SYNPR: variants seen among roughly 807,000 people sequenced by gnomAD.
SYNPR encodes the protein synaptoporin.
In SYNPR, 23 loss-of-function variants were observed where a neutral mutation model predicts 32.9. The observed-to-expected ratio is 0.70, with a 90% CI of 0.50 to 0.99. The LOEUF (loss-of-function observed/expected upper bound fraction) is 0.99, where lower values mean the gene tolerates loss of function less well. SYNPR is among the 50% of genes least tolerant of loss of function. SYNPR has a pLI of 0.00. For synonymous variants in SYNPR, 146 were observed against 135.9 expected, an observed-to-expected ratio of 1.07 and a Z score of -0.52; for missense variants, 318 against 349.3, an observed-to-expected ratio of 0.91 and a Z score of 0.71.
At chr3:63,368,810 A>G (rs1021041288) in intron 2 of SYNPR, among the ~76,000 whole-genome samples, 2 of 152,218 alleles carry the variant, frequency 1.3e-5, no homozygotes, top group East Asian at 3.8e-4. Context: ...TTATTTATAC[A>G]GTGTTGCTTC....
intron 4 of SYNPR, among the ~76,000 whole-genome samples, chr3:63,567,771 G>A (rs1278119332): frequency 6.6e-6 from 1 of 152,210 alleles, no homozygotes; most frequent in Non-Finnish European, 1.5e-5. Flanking sequence ...AATCCCTTAT[G>A]AGGGACAAGG....
At chr3:63,348,380 G>T (rs929847176) in intron 2 of SYNPR, among the ~76,000 whole-genome samples, 3 of 151,722 alleles carry the variant, frequency 2.0e-5, no homozygotes, top group Non-Finnish European at 4.4e-5. Flanking sequence ...GGGGTTATTT[G>T]TTGTTGTTTT....
intron 2 of SYNPR, chr3:63,252,601 T>C (rs2086341914): frequency 6.6e-6 from 1 of 152,184 alleles, no homozygotes; most frequent in South Asian, 2.1e-4. Flanking sequence ...AGAAAACATT[T>C]CTAAAAATGT....
intron 2 of SYNPR, among the ~76,000 whole-genome samples, chr3:63,472,007 C>A (rs115322538): frequency 6.6e-6 from 1 of 152,186 alleles, no homozygotes; most frequent in East Asian, 1.9e-4. Context: ...TCCCTCCCCA[C>A]GGCAGCCTGC....
chr3:63,244,600 C>T (rs750554154), intron 1 of SYNPR, among the ~76,000 whole-genome samples: 15 of 152,010 alleles, frequency 9.9e-5, no homozygotes, highest in Non-Finnish European at 1.5e-5. Context: ...TTGAAAATGG[C>T]GCATGCATTT....
chr3:63,225,522 G>T (rs1175785079), upstream of SYNPR, among the ~76,000 whole-genome samples: 1 of 152,152 alleles, frequency 6.6e-6, no homozygotes, highest in African/African-American at 2.4e-5. Context: ...AGACTGGCAA[G>T]CAGGAAGCTT....
At chr3:63,344,648 C>G (rs1041720867) in intron 2 of SYNPR, among the ~76,000 whole-genome samples, 3 of 149,310 alleles carry the variant, frequency 2.0e-5, no homozygotes. Context: ...GTGTAACTGC[C>G]TGGTGGGTTG....
chr3:63,495,546 G>A (rs558021798), intron 3 of SYNPR, among the ~76,000 whole-genome samples: 15 of 152,144 alleles, frequency 9.9e-5, no homozygotes, highest in Non-Finnish European at 1.8e-4. Context: ...TATGAATTAT[G>A]CTCAACAATC....
At chr3:63,541,229 CT>C (rs568674294) in intron 3 of SYNPR, among the ~76,000 whole-genome samples, 1,803 of 139,520 alleles carry the variant, frequency 0.013, 26 homozygotes, top group East Asian at 0.094. Flanking sequence ...ACTGCCAATT[CT>C]TTTTTTTTTT....
intron 2 of SYNPR, among the ~76,000 whole-genome samples, chr3:63,445,935 C>A (rs1700269400): frequency 6.6e-6 from 1 of 152,086 alleles, no homozygotes; most frequent in East Asian, 1.9e-4. Context: ...TTTATGATTC[C>A]AAGCTAAGTA....
At chr3:63,500,530 GAA>G (rs1405668956) in intron 3 of SYNPR, among the ~76,000 whole-genome samples, 1 of 152,154 alleles carries the variant, frequency 6.6e-6, no homozygotes, top group African/African-American at 2.4e-5. Flanking sequence ...GTTGAAAAAA[GAA>G]AAAGTACTGA....
chr3:63,586,268 G>A (rs1161323258), intron 4 of SYNPR, among the ~76,000 whole-genome samples: 2 of 151,458 alleles, frequency 1.3e-5, no homozygotes, highest in Admixed American at 1.3e-4. Flanking sequence ...AATGCCGCTT[G>A]CTCATTTGCA....
chr3:63,552,357 AC>A (rs1409565701), intron 3 of SYNPR, among the ~76,000 whole-genome samples: 1 of 152,172 alleles, frequency 6.6e-6, no homozygotes, highest in Non-Finnish European at 1.5e-5. Flanking sequence ...CAGTATTTCT[AC>A]AGACAAAACT....
intron 3 of SYNPR, among the ~76,000 whole-genome samples, chr3:63,270,592 G>A (rs1049825819): frequency 9.9e-5 from 15 of 152,158 alleles, no homozygotes; most frequent in Non-Finnish European, 1.3e-4. Flanking sequence ...TGTACAGTTA[G>A]AAGGTATAAA....
chr3:63,366,164 C>T (rs552615079), intron 2 of SYNPR, among the ~76,000 whole-genome samples: 1 of 152,244 alleles, frequency 6.6e-6, no homozygotes, highest in African/African-American at 2.4e-5. Flanking sequence ...TACTCATTAA[C>T]CCATATGGAA....
At chr3:63,553,688 TA>T (rs1188058752) in intron 3 of SYNPR, among the ~76,000 whole-genome samples, 1 of 152,196 alleles carries the variant, frequency 6.6e-6, no homozygotes, top group Non-Finnish European at 1.5e-5. Flanking sequence ...TATTTTTTAA[TA>T]TTTTTTTGGC....
intron 4 of SYNPR, among the ~76,000 whole-genome samples, chr3:63,560,730 A>G (rs1237511330): frequency 6.6e-6 from 1 of 152,196 alleles, no homozygotes; most frequent in Non-Finnish European, 1.5e-5. Flanking sequence ...GAAGTGAGCA[A>G]GTGAGGAACT....
intron 5 of SYNPR, among the ~76,000 whole-genome samples, chr3:63,613,023 G>T (rs762192606): frequency 5.3e-5 from 8 of 150,790 alleles, no homozygotes; most frequent in Non-Finnish European, 8.9e-5. Flanking sequence ...CCAGGTGGGA[G>T]GTGCAGTGGT....
At chr3:63,280,366 A>C (rs2086617133) in intron 2 of SYNPR, among the ~76,000 whole-genome samples, 2 of 152,098 alleles carry the variant, frequency 1.3e-5, no homozygotes, top group African/African-American at 2.4e-5. Flanking sequence ...ATTTTAAATG[A>C]GCTCCCTGCG....
Sources: allele counts gnomAD v4.1 joint callset (sites outside exome capture counted in the v4.1 genomes callset), GRCh38; gene constraint gnomAD v4.1.1; transcripts MANE v1.5; gene names NCBI Gene and HGNC (gene_info 2026-07-23, HGNC 2026-07-21).